GRIP1: variants seen among roughly 807,000 people sequenced by gnomAD.
GRIP1 encodes the protein glutamate receptor interacting protein 1.
In GRIP1, 45 loss-of-function variants were observed where a neutral mutation model predicts 129.9. The ratio of observed to expected loss-of-function variants is 0.35; its 90% CI spans 0.27 to 0.44. GRIP1 has a LOEUF of 0.44. Among genes scored for constraint, GRIP1 ranks in the 20% least tolerant of loss-of-function variants. The probability of loss-of-function intolerance (pLI) is 1.00; values close to 1 mark genes in which losing one functional copy is unlikely to be tolerated. For missense variants in GRIP1, 1,196 were observed against 1,396.8 expected, an observed-to-expected ratio of 0.86 and a Z score of 2.29; for synonymous variants, 530 against 520.8, an observed-to-expected ratio of 1.02 and a Z score of -0.24.
At chr12:66,588,890 A>G (rs1176706974) in intron 2 of GRIP1, among the ~76,000 whole-genome samples, 4 of 151,676 alleles carry the variant, frequency 2.6e-5, no homozygotes, top group South Asian at 4.2e-4. Flanking sequence ...AATCGCTTGA[A>G]CCTGGGAGGT....
intron 1 of GRIP1, among the ~76,000 whole-genome samples, chr12:66,733,621 A>C (rs1468699377): frequency 6.6e-6 from 1 of 152,178 alleles, no homozygotes; most frequent in Non-Finnish European, 1.5e-5. Context: ...GCATCACTAC[A>C]CGTGGGCCAC....
chr12:66,780,356 T>A (rs2038118575), intron 1 of GRIP1, among the ~76,000 whole-genome samples: 1 of 152,104 alleles, frequency 6.6e-6, no homozygotes, highest in Admixed American at 6.5e-5. Flanking sequence ...TAACAGTGGT[T>A]GAAAATACCC....
intron 1 of GRIP1, among the ~76,000 whole-genome samples, chr12:66,936,138 A>C (rs2137425893): frequency 6.6e-6 from 1 of 152,318 alleles, no homozygotes; most frequent in Middle Eastern, 3.4e-3. Flanking sequence ...AGGGAGAATA[A>C]GCTGAGCCCC....
chr12:66,569,061 T>TC, intron 2 of GRIP1: 1 of 267,000 alleles, frequency 3.7e-6, no homozygotes, highest in Non-Finnish European at 7.4e-6. Flanking sequence ...CAGTGCAGTG[T>TC]TTCATTGATT....
intron 22 of GRIP1, among the ~76,000 whole-genome samples, chr12:66,375,692 G>A (rs1224631084): frequency 6.6e-6 from 1 of 152,158 alleles, no homozygotes; most frequent in African/African-American, 2.4e-5. Context: ...CAAATTCATA[G>A]GCTGTGGCAA....
intron 23 of GRIP1, among the ~76,000 whole-genome samples, chr12:66,363,199 C>CTATATATATATATA (rs1565666323): frequency 0.014 from 508 of 35,270 alleles, 28 homozygotes; most frequent in African/African-American, 0.036. Context: ...GTGTGTGTGT[C>CTATATATATATATA]CATATATATA....
chr12:66,424,398 A>G (rs555152074), intron 14 of GRIP1, among the ~76,000 whole-genome samples: 1 of 152,314 alleles, frequency 6.6e-6, no homozygotes, highest in East Asian at 1.9e-4. Flanking sequence ...GCTTCCCCAG[A>G]TGCTTTCAAT....
intron 1 of GRIP1, among the ~76,000 whole-genome samples, chr12:66,839,222 T>TA (rs1196940101): frequency 5.3e-5 from 8 of 152,046 alleles, no homozygotes; most frequent in Non-Finnish European, 4.4e-5. Flanking sequence ...TTGGTGTCAG[T>TA]AAAAAAATGG....
At chr12:66,893,742 AG>A in intron 1 of GRIP1, among the ~76,000 whole-genome samples, 1 of 152,318 alleles carries the variant, frequency 6.6e-6, no homozygotes, top group East Asian at 1.9e-4. Flanking sequence ...GTGATTGCAG[AG>A]TCAAAGGGTT....
At chr12:66,831,688 T>G (rs963943132) in intron 1 of GRIP1, among the ~76,000 whole-genome samples, 6 of 152,188 alleles carry the variant, frequency 3.9e-5, no homozygotes, top group Non-Finnish European at 7.3e-5. Flanking sequence ...ATCACTGAGA[T>G]GTATAGTATG....
At chr12:66,828,515 T>G (rs944113091) in intron 1 of GRIP1, among the ~76,000 whole-genome samples, 5 of 152,206 alleles carry the variant, frequency 3.3e-5, no homozygotes, top group African/African-American at 1.2e-4. Flanking sequence ...TGTTATCTCA[T>G]TTTAGAAAAG....
In GRIP1 at chr12:67,003,668, G is replaced by T. The variant is rs184993790; in HGVS notation, c.58+65382C>A. Among the ~76,000 whole-genome samples, 396 of 151,988 alleles carry T rather than the reference G, an allele frequency of 2.6e-3. 1 individual carries two copies. The highest frequency in any genetic ancestry group is 4.7e-3 in the Non-Finnish European group (319 of 67,992). On this transcript the variant is annotated intron_variant, in intron 1 of 1. Coordinates refer to the GRIP1 transcript ENST00000643019. ...AGATTGCGCCATTGCACTCCAGCCT[G>T]GGAGACAGAGCGAGATTCCATCTCC...
intron 11 of GRIP1, among the ~76,000 whole-genome samples, chr12:66,446,806 C>G (rs1300074259): frequency 2.0e-5 from 3 of 152,150 alleles, no homozygotes; most frequent in Non-Finnish European, 4.4e-5. Flanking sequence ...TACTTCCACT[C>G]TCTGCCAGCA....
At chr12:66,775,895 C>G (rs1488205480) in intron 1 of GRIP1, among the ~76,000 whole-genome samples, 2 of 152,094 alleles carry the variant, frequency 1.3e-5, no homozygotes, top group Non-Finnish European at 2.9e-5. Flanking sequence ...TCCCGCAGGG[C>G]TTCTCAAAAC....
At chr12:66,818,970 A>C (rs1592875028) in intron 1 of GRIP1, among the ~76,000 whole-genome samples, 1 of 152,368 alleles carries the variant, frequency 6.6e-6, no homozygotes, top group East Asian at 1.9e-4. Context: ...AATGCAATTT[A>C]AAGCTTTAAT....
chr12:66,523,903 A>C (rs2061120299), intron 5 of GRIP1, among the ~76,000 whole-genome samples: 1 of 152,236 alleles, frequency 6.6e-6, no homozygotes, highest in African/African-American at 2.4e-5. Context: ...AACAGACTTT[A>C]AACCAACAAA....
chr12:66,368,313 T>G (rs2055270369), intron 23 of GRIP1, among the ~76,000 whole-genome samples: 1 of 152,196 alleles, frequency 6.6e-6, no homozygotes, highest in Admixed American at 6.5e-5. Flanking sequence ...TGATCCAACT[T>G]ATAGTGAAAA....
At chr12:67,008,458 C>T (rs2042659117) in intron 1 of GRIP1, among the ~76,000 whole-genome samples, 1 of 152,020 alleles carries the variant, frequency 6.6e-6, no homozygotes, top group African/African-American at 2.4e-5. Context: ...TTATATTCTG[C>T]TTACTCTCAA....
chr12:67,068,293 C>T (rs1478373547), intron 1 of GRIP1, among the ~76,000 whole-genome samples: 1 of 152,148 alleles, frequency 6.6e-6, no homozygotes, highest in Admixed American at 6.5e-5. Flanking sequence ...CAAGCTGAAG[C>T]ACAAAAGGGC....
Sources: gnomAD v4.1 joint callset for allele counts (sites outside exome capture counted in the v4.1 genomes callset) on GRCh38, gnomAD v4.1.1 for gene constraint, MANE v1.5 for transcripts, NCBI Gene and HGNC (gene_info 2026-07-23, HGNC 2026-07-21) for gene names.